HS2ST1: variants seen among roughly 807,000 people sequenced by gnomAD.
HS2ST1 encodes the protein heparan sulfate 2-O-sulfotransferase 1, also known as 2-O-sulfotransferase.
In HS2ST1, 18 loss-of-function variants were observed where a neutral mutation model predicts 42.9. That is an observed-to-expected ratio of 0.42 (90% CI 0.29 to 0.62). The LOEUF (loss-of-function observed/expected upper bound fraction) is 0.62, where lower values mean the gene tolerates loss of function less well. Among genes scored for constraint, HS2ST1 ranks in the 20% least tolerant of loss-of-function variants. The pLI, the probability that HS2ST1 is intolerant of heterozygous loss-of-function variation, is 0.21. For synonymous variants in HS2ST1, 146 were observed against 152.9 expected, an observed-to-expected ratio of 0.95 and a Z score of 0.33; for missense variants, 334 against 433.8, an observed-to-expected ratio of 0.77 and a Z score of 2.04.
chr1:86,959,747 AAGTAC>A (rs71082047), intron 1 of HS2ST1, among the ~76,000 whole-genome samples: 152,273 of 152,278 alleles, frequency 1, 76,134 homozygotes, highest in Middle Eastern at 1. Flanking sequence ...CTTGCAACAT[AAGTAC>A]AGTACAAGAT....
rs1053108927 is a variant in HS2ST1, at chr1:87,085,202, A to AT, written c.449+931dup. Among the ~76,000 whole-genome samples the AT allele has an allele frequency of 1.1e-4, 16 of 152,136 alleles. No homozygotes were observed. The South Asian group carries it at 3.3e-3, about 32-fold the overall frequency. On this transcript the variant is annotated intron_variant, in intron 3 of 6. Transcript: ENST00000370550. Reference sequence around the variant, plus strand: ...CATTAACTTCAAAAACACTAAAAAAATTTTTTTTATTATTTAGCTTAGACA... The same window carrying AT: ...CATTAACTTCAAAAACACTAAAAAAATTTTTTTTTATTATTTAGCTTAGACA...
At chr1:87,065,159 T>G (rs949730264) in intron 1 of HS2ST1, among the ~76,000 whole-genome samples, 8 of 152,224 alleles carry the variant, frequency 5.3e-5, no homozygotes, top group African/African-American at 1.7e-4. Context: ...GCATCTGTAT[T>G]GCTCACTATT....
intron 1 of HS2ST1, among the ~76,000 whole-genome samples, chr1:87,042,750 A>G (rs1650553223): frequency 6.6e-6 from 1 of 152,156 alleles, no homozygotes. Context: ...TGGAAATTAT[A>G]CATTTCCACA....
At chr1:86,987,289 T>C (rs1476019063) in intron 1 of HS2ST1, among the ~76,000 whole-genome samples, 1 of 151,872 alleles carries the variant, frequency 6.6e-6, no homozygotes, top group African/African-American at 2.4e-5. Context: ...TCATCCAGGC[T>C]GGTCTCGAAC....
intron 5 of HS2ST1, among the ~76,000 whole-genome samples, chr1:87,101,156 GTTTTTT>G (rs1162453464): frequency 2.7e-4 from 25 of 91,138 alleles, no homozygotes; most frequent in African/African-American, 9.4e-4. Flanking sequence ...TGTGTTTTTT[GTTTTTT>G]TTTTTTTTTT....
At chr1:86,960,113 G>A (rs1341504037) in intron 1 of HS2ST1, among the ~76,000 whole-genome samples, 1 of 151,100 alleles carries the variant, frequency 6.6e-6, no homozygotes, top group Non-Finnish European at 1.5e-5. Context: ...CGCATAGGTA[G>A]ACCACGAATA....
At chr1:86,945,975 T>C (rs1012167021) in intron 1 of HS2ST1, among the ~76,000 whole-genome samples, 1 of 152,188 alleles carries the variant, frequency 6.6e-6, no homozygotes, top group Non-Finnish European at 1.5e-5. Flanking sequence ...AAACAAATAC[T>C]GAAAGCTGTA....
At chr1:87,075,545 G>A in intron 2 of HS2ST1, among the ~76,000 whole-genome samples, 1 of 152,080 alleles carries the variant, frequency 6.6e-6, no homozygotes, top group East Asian at 1.9e-4. Context: ...CTTAAAAGAT[G>A]AGATCTTTCT....
chr1:87,011,461 C>G (rs934728951), intron 1 of HS2ST1, among the ~76,000 whole-genome samples: 1 of 151,448 alleles, frequency 6.6e-6, no homozygotes, highest in African/African-American at 2.4e-5. Context: ...CCAAGGTGGT[C>G]TGGAACTCCT....
At chr1:87,083,888 C>A (rs1258677193) in intron 2 of HS2ST1, among the ~76,000 whole-genome samples, 7 of 152,054 alleles carry the variant, frequency 4.6e-5, no homozygotes, top group Non-Finnish European at 1.0e-4. Context: ...GATACATACA[C>A]CCCCACAACG....
chr1:86,999,182 T>C (rs1649200056), intron 1 of HS2ST1, among the ~76,000 whole-genome samples: 1 of 152,154 alleles, frequency 6.6e-6, no homozygotes, highest in South Asian at 2.1e-4. Flanking sequence ...TTATTTTCTT[T>C]TTCTTTTTTT....
intron 1 of HS2ST1, chr1:87,045,891 G>C (rs1329847145): frequency 1.4e-6 from 1 of 701,708 alleles, no homozygotes; most frequent in African/African-American, 1.7e-5. Flanking sequence ...AGCTCCTTAA[G>C]AACCTTGTGC....
chr1:86,977,834 G>A (rs938092477), intron 1 of HS2ST1, among the ~76,000 whole-genome samples: 1 of 152,148 alleles, frequency 6.6e-6, no homozygotes, highest in Non-Finnish European at 1.5e-5. Context: ...TAAAGATACG[G>A]AGAACATGAG....
At chr1:86,957,024 A>G (rs1303238574) in intron 1 of HS2ST1, among the ~76,000 whole-genome samples, 1 of 152,192 alleles carries the variant, frequency 6.6e-6, no homozygotes, top group African/African-American at 2.4e-5. Context: ...GACCTGTCAT[A>G]TTTTGTACCT....
intron 1 of HS2ST1, among the ~76,000 whole-genome samples, chr1:86,993,639 ATTTT>A: frequency 6.6e-6 from 1 of 152,214 alleles, no homozygotes; most frequent in Non-Finnish European, 1.5e-5. Context: ...CCATTTTTAG[ATTTT>A]TAGTTGAGAC....
chr1:87,012,176 T>C (rs1373443390), intron 1 of HS2ST1, among the ~76,000 whole-genome samples: 50 of 152,186 alleles, frequency 3.3e-4, no homozygotes, highest in Admixed American at 3.3e-3. Context: ...AGCACTTTTA[T>C]CCAAATCATA....
At chr1:87,030,690 T>G (rs551382714) in intron 1 of HS2ST1, among the ~76,000 whole-genome samples, 3 of 152,320 alleles carry the variant, frequency 2.0e-5, no homozygotes, top group Non-Finnish European at 1.5e-5. Context: ...AATCCTTCAG[T>G]TAATCTAAGT....
chr1:86,961,224 G>A (rs1279055252), intron 1 of HS2ST1, among the ~76,000 whole-genome samples: 1 of 151,612 alleles, frequency 6.6e-6, no homozygotes, highest in Non-Finnish European at 1.5e-5. Context: ...TGAACAGAGT[G>A]AGACTCTGTC....
At chr1:86,919,288 T>A (rs542315344) in intron 1 of HS2ST1, among the ~76,000 whole-genome samples, 1 of 152,170 alleles carries the variant, frequency 6.6e-6, no homozygotes, top group Non-Finnish European at 1.5e-5. Flanking sequence ...TTCTTGACTT[T>A]ATGGTGTGTT....
Sources: allele counts gnomAD v4.1 joint callset (sites outside exome capture counted in the v4.1 genomes callset), GRCh38; gene constraint gnomAD v4.1.1; transcripts MANE v1.5; gene names NCBI Gene and HGNC (gene_info 2026-07-23, HGNC 2026-07-21).